The following SUCLG2 variants were observed in gnomAD, a reference collection of about 807,000 sequenced individuals.
SUCLG2 encodes the protein succinate--CoA ligase [GDP-forming] subunit beta, mitochondrial.
In SUCLG2, 42 loss-of-function variants were observed where a neutral mutation model predicts 47.9. That is an observed-to-expected ratio of 0.88 (90% CI 0.69 to 1.14). SUCLG2 has a LOEUF of 1.14. Ranked by LOEUF, SUCLG2 falls within the 50% of genes most tolerant of loss-of-function variation. The pLI is 0.00. For missense variants in SUCLG2, 571 were observed against 525.9 expected, an observed-to-expected ratio of 1.09 and a Z score of -0.84; for synonymous variants, 195 against 197.3, an observed-to-expected ratio of 0.99 and a Z score of 0.10.
intron 7 of SUCLG2, among the ~76,000 whole-genome samples, chr3:67,507,098 G>A (rs183991217): frequency 3.3e-5 from 5 of 152,166 alleles, no homozygotes; most frequent in Non-Finnish European, 7.4e-5. Flanking sequence ...AAAGAATATA[G>A]GTATAAGCTT....
At chr3:67,397,725 A>T (rs1702579764) in intron 10 of SUCLG2, among the ~76,000 whole-genome samples, 1 of 152,168 alleles carries the variant, frequency 6.6e-6, no homozygotes, top group South Asian at 2.1e-4. Flanking sequence ...AACCCTAAGT[A>T]AAAAGAACAA....
chr3:67,644,742 C>A (rs1701162762), intron 1 of SUCLG2, among the ~76,000 whole-genome samples: 1 of 151,724 alleles, frequency 6.6e-6, no homozygotes, highest in South Asian at 2.1e-4. Flanking sequence ...TTTTTAGTAT[C>A]TTTAGAAGCT....
At chr3:67,382,099 G>GT (rs1455505268) in intron 10 of SUCLG2, among the ~76,000 whole-genome samples, 2 of 152,160 alleles carry the variant, frequency 1.3e-5, no homozygotes, top group African/African-American at 4.8e-5. Context: ...TAGGAATTCA[G>GT]TTTTTTAAAA....
At chr3:67,400,196 C>T (rs1702651570) in intron 10 of SUCLG2, among the ~76,000 whole-genome samples, 1 of 151,690 alleles carries the variant, frequency 6.6e-6, no homozygotes, top group South Asian at 2.1e-4. Flanking sequence ...TGTCATTATT[C>T]TTACTAAAAA....
intron 10 of SUCLG2, among the ~76,000 whole-genome samples, chr3:67,394,414 G>A (rs1373113440): frequency 2.1e-5 from 3 of 145,952 alleles, no homozygotes; most frequent in Non-Finnish European, 3.0e-5. Context: ...CTGGAAGAAA[G>A]GGTATCAGTG....
chr3:67,487,250 T>C (rs1331214970), intron 9 of SUCLG2, among the ~76,000 whole-genome samples: 3 of 152,148 alleles, frequency 2.0e-5, no homozygotes, highest in Non-Finnish European at 4.4e-5. Context: ...TGTTGATTCA[T>C]GAAATCACAA....
rs761607843 is a variant in SUCLG2, at chr3:67,391,702, C to T, written c.1183+9029G>A. On this transcript the variant is annotated intron_variant, in intron 10 of 10. Coordinates refer to ENST00000307227, the MANE Select transcript of SUCLG2 (RefSeq NM_003848.4). ...GCTAACACCCAGAATACATTGAGAA[C>T]GGGCCCTTAGCTGAGTGGTGGAATT... Among the ~76,000 whole-genome samples, 96 of 152,182 alleles carry T rather than the reference C, an allele frequency of 6.3e-4. 1 individual carries two copies. Among genetic ancestry groups the T allele is most frequent in the African/African-American group, 8.4e-4 (35 of 41,510 alleles).
intron 9 of SUCLG2, among the ~76,000 whole-genome samples, chr3:67,470,765 TAC>T (rs1373373053): frequency 6.6e-6 from 1 of 152,260 alleles, no homozygotes; most frequent in Non-Finnish European, 1.5e-5. Context: ...CTTTATAAAC[TAC>T]ACAGTCTGTG....
At chr3:67,391,527 G>A (rs1419472875) in intron 10 of SUCLG2, among the ~76,000 whole-genome samples, 2 of 152,104 alleles carry the variant, frequency 1.3e-5, no homozygotes, top group African/African-American at 2.4e-5. Flanking sequence ...CATTCTTCAA[G>A]TCTTCAGTTA....
At chr3:67,596,039 G>A (rs1575804701) in intron 2 of SUCLG2, among the ~76,000 whole-genome samples, 1 of 152,252 alleles carries the variant, frequency 6.6e-6, no homozygotes, top group South Asian at 2.1e-4. Context: ...GCATTCTGGT[G>A]TATACATCAT....
At chr3:67,429,192 AC>A (rs1409853046) in intron 9 of SUCLG2, among the ~76,000 whole-genome samples, 2 of 152,178 alleles carry the variant, frequency 1.3e-5, no homozygotes, top group African/African-American at 2.4e-5. Context: ...TATTAAGGGC[AC>A]CCAGAGAGAA....
chr3:67,585,870 G>A (rs541666630), intron 2 of SUCLG2, among the ~76,000 whole-genome samples: 21 of 151,230 alleles, frequency 1.4e-4, no homozygotes, highest in African/African-American at 5.1e-4. Flanking sequence ...GGGAGGCTGA[G>A]GCAGGAGAAT....
intron 7 of SUCLG2, among the ~76,000 whole-genome samples, chr3:67,503,837 G>T (rs956311589): frequency 6.6e-5 from 10 of 152,156 alleles, no homozygotes; most frequent in African/African-American, 2.4e-4. Flanking sequence ...TTGTTGTTTT[G>T]TTTAGTGGCG....
At chr3:67,439,894 T>G (rs1475588940) in intron 9 of SUCLG2, among the ~76,000 whole-genome samples, 2 of 152,212 alleles carry the variant, frequency 1.3e-5, no homozygotes, top group Non-Finnish European at 2.9e-5. Flanking sequence ...AAATTTCATG[T>G]GGAACCCAGG....
chr3:67,377,736 C>T (rs2106760537), intron 10 of SUCLG2, among the ~76,000 whole-genome samples: 1 of 152,294 alleles, frequency 6.6e-6, no homozygotes, highest in East Asian at 1.9e-4. Flanking sequence ...TCACTGCAGC[C>T]TCAGCCTCCG....
intron 1 of SUCLG2, among the ~76,000 whole-genome samples, chr3:67,635,815 G>T (rs892458873): frequency 2.6e-5 from 4 of 152,156 alleles, no homozygotes; most frequent in Non-Finnish European, 5.9e-5. Flanking sequence ...GAAACTCAAA[G>T]CAGGCCTTTT....
At chr3:67,410,157 T>A (rs1296748696) in intron 9 of SUCLG2, among the ~76,000 whole-genome samples, 1 of 152,164 alleles carries the variant, frequency 6.6e-6, no homozygotes, top group East Asian at 1.9e-4. Context: ...AGCTGGTATG[T>A]TTGTGGTTAG....
rs186316602 is a variant in SUCLG2, at chr3:67,558,656, C to A, written c.227-29470G>T. Reference sequence around the variant, plus strand: ...CGGTAATAGAAATTTCCTACTGATCCGTTTCCAAAAGGCAGTATCTGAAAC... The same window carrying A: ...CGGTAATAGAAATTTCCTACTGATCAGTTTCCAAAAGGCAGTATCTGAAAC... On this transcript the variant is annotated intron_variant, in intron 2 of 10. Coordinates refer to ENST00000307227, the MANE Select transcript of SUCLG2 (RefSeq NM_003848.4). Among the ~76,000 whole-genome samples, 154 of 152,274 alleles carry A rather than the reference C, an allele frequency of 1.0e-3. 1 individual carries two copies. The highest frequency in any genetic ancestry group is 1.8e-3 in the Non-Finnish European group (122 of 68,026).
intron 1 of SUCLG2, among the ~76,000 whole-genome samples, chr3:67,650,685 A>C (rs527951256): frequency 2.0e-5 from 3 of 152,258 alleles, no homozygotes; most frequent in South Asian, 4.2e-4. Context: ...TGTACCCAGG[A>C]GGAGGAGGTT....
Sources: gnomAD v4.1 joint callset for allele counts (sites outside exome capture counted in the v4.1 genomes callset) on GRCh38, gnomAD v4.1.1 for gene constraint, MANE v1.5 for transcripts, NCBI Gene and HGNC (gene_info 2026-07-23, HGNC 2026-07-21) for gene names.